Variants in MBNL1 observed in about 807,000 individuals in gnomAD.
The protein encoded by MBNL1 is muscleblind like splicing regulator 1.
MBNL1 carries 8 observed loss-of-function variants against 42.2 expected under a neutral mutation model. That is an observed-to-expected ratio of 0.19 (90% CI 0.11 to 0.34). MBNL1 has a LOEUF of 0.34. Among genes scored for constraint, MBNL1 ranks in the 10% least tolerant of loss-of-function variants. MBNL1 has a pLI of 1.00. For missense variants in MBNL1, 309 were observed against 495.3 expected (o/e 0.62, Z 3.57); for synonymous variants, 169 against 173.9 (o/e 0.97, Z 0.22).
chr3:152,314,817 G>C (rs2069607680), intron 2 of MBNL1, among the ~76,000 whole-genome samples: 1 of 152,098 alleles, frequency 6.6e-6, no homozygotes, highest in Non-Finnish European at 1.5e-5. Flanking sequence ...GATTTTTTTG[G>C]CTTTTCAGAA....
intron 6 of MBNL1, among the ~76,000 whole-genome samples, chr3:152,452,160 T>G (rs1724520304): frequency 6.6e-6 from 1 of 152,266 alleles, no homozygotes; most frequent in Non-Finnish European, 1.5e-5. Context: ...ATACTTGTTT[T>G]AACCTTCCCC....
At chr3:152,253,146 A>T (rs939296328) in intron 2 of MBNL1, among the ~76,000 whole-genome samples, 8 of 152,094 alleles carry the variant, frequency 5.3e-5, no homozygotes, top group African/African-American at 1.9e-4. Context: ...ATACACTCAG[A>T]TGTTAAGAGG....
At chr3:152,284,230 G>A (rs2050229833) in intron 1 of MBNL1, among the ~76,000 whole-genome samples, 1 of 151,694 alleles carries the variant, frequency 6.6e-6, no homozygotes, top group Admixed American at 6.6e-5. Flanking sequence ...AGGATAGTAG[G>A]GAACAAAGAA....
In MBNL1 at chr3:152,465,651, C is replaced by G. The variant is rs1341013428; in HGVS notation, c.*3285C>G. On this transcript the variant is annotated 3_prime_UTR_variant, in exon 10 of 10. Coordinates refer to ENST00000324210, the MANE Select transcript of MBNL1 (RefSeq NM_021038.5). ...ACAACTTACTTTCTGCTTGTAGTTG[C>G]TTAAAATTATGTATTTTGTCTTGGG... 1 of 152,534 alleles carries G rather than the reference C, an allele frequency of 6.6e-6. No individual in the cohort carries two copies. The highest frequency in any genetic ancestry group is 1.5e-5 in the Non-Finnish European group (1 of 68,028). The allele number at this position is 152,534 out of a possible 1,614,324, so 9.4% of individuals were successfully genotyped here.
chr3:152,441,688 C>G (rs1279500248), intron 4 of MBNL1, among the ~76,000 whole-genome samples: 2 of 152,220 alleles, frequency 1.3e-5, no homozygotes, highest in Non-Finnish European at 2.9e-5. Context: ...ATTGTCAAAT[C>G]TTGCCTTAGT....
At chr3:152,306,614 T>C (rs1464028187) in intron 2 of MBNL1, among the ~76,000 whole-genome samples, 1 of 152,188 alleles carries the variant, frequency 6.6e-6, no homozygotes, top group African/African-American at 2.4e-5. Context: ...TGTTTGTTTG[T>C]TTTGTTTTGT....
At chr3:152,414,305 G>T (rs1463652048) in intron 2 of MBNL1, among the ~76,000 whole-genome samples, 1 of 152,128 alleles carries the variant, frequency 6.6e-6, no homozygotes, top group East Asian at 1.9e-4. Context: ...ATTTATCTTT[G>T]AAAAGTTAAA....
At chr3:152,274,205 A>G (rs2043536242) in intron 1 of MBNL1, among the ~76,000 whole-genome samples, 1 of 140,488 alleles carries the variant, frequency 7.1e-6, no homozygotes, top group African/African-American at 2.7e-5. Flanking sequence ...TTAGAGAGCT[A>G]AGAAGATTCT....
intron 2 of MBNL1, chr3:152,301,933 A>C (rs1465679960): frequency 6.6e-6 from 1 of 152,198 alleles, no homozygotes. Context: ...TTGATGGTGC[A>C]CTCGTAGCTG....
chr3:152,439,455 T>C (rs1006111709), intron 4 of MBNL1, among the ~76,000 whole-genome samples: 1 of 152,192 alleles, frequency 6.6e-6, no homozygotes, highest in Non-Finnish European at 1.5e-5. Flanking sequence ...TTTTGCATTT[T>C]TGTAGAGGAT....
chr3:152,301,074 G>T (rs533004585), intron 2 of MBNL1: 127 of 216,138 alleles, frequency 5.9e-4, no homozygotes, highest in African/African-American at 2.7e-3. Flanking sequence ...TTTTCTGTTA[G>T]ATCATGATTT....
chr3:152,417,795 G>A (rs2098727590), intron 3 of MBNL1, among the ~76,000 whole-genome samples: 1 of 152,182 alleles, frequency 6.6e-6, no homozygotes, highest in African/African-American at 2.4e-5. Context: ...CCCAGTTACA[G>A]AGGCTGCAAC....
chr3:152,358,245 T>G (rs2095668092), intron 2 of MBNL1, among the ~76,000 whole-genome samples: 1 of 152,228 alleles, frequency 6.6e-6, no homozygotes, highest in South Asian at 2.1e-4. Flanking sequence ...ATATAAAAGT[T>G]TATTCACTTC....
intron 2 of MBNL1, among the ~76,000 whole-genome samples, 182 bp downstream of exon 2, chr3:152,300,549 G>A (rs2060301247): frequency 6.6e-6 from 1 of 152,108 alleles, no homozygotes; most frequent in South Asian, 2.1e-4. Flanking sequence ...GCCAAACTTT[G>A]TTATGAATAA....
Position 152,299,816 on chromosome 3 carries a change from C to T in MBNL1, c.-378C>T, listed in dbSNP as rs541792008. 9.9e-6 allele frequency: 4 copies of T among 402,072 alleles called. No individual in the cohort carries two copies. Among genetic ancestry groups the T allele is most frequent in the East Asian group, 3.6e-5 (1 of 28,158 alleles). 24.9% of individuals were successfully genotyped at this position (402,072 alleles called of 1,614,324 possible). A position where few individuals can be genotyped will look rare whatever the true frequency, so the allele number is the denominator to read the frequency against. ...CTTTGCTGAAAGCAGCTTGGAAATT[C>T]GGTGTCGAAGGGTCTGCCACGTTTT... On this transcript the variant is annotated 5_prime_UTR_variant, in exon 2 of 10. Transcript: ENST00000324210.
chr3:152,420,264 T>C (rs1182993940), intron 3 of MBNL1, among the ~76,000 whole-genome samples: 3 of 152,310 alleles, frequency 2.0e-5, no homozygotes, highest in African/African-American at 7.2e-5. Flanking sequence ...GCTTGAACTC[T>C]GCTAAGGGAC....
intron 2 of MBNL1, among the ~76,000 whole-genome samples, chr3:152,330,146 T>G (rs939622147): frequency 6.6e-6 from 1 of 152,146 alleles, no homozygotes; most frequent in Non-Finnish European, 1.5e-5. Context: ...CTCTGAGTGT[T>G]CTTAGGTATT....
intron 2 of MBNL1, among the ~76,000 whole-genome samples, chr3:152,259,517 C>T (rs1387967351): frequency 3.3e-5 from 5 of 152,098 alleles, no homozygotes; most frequent in African/African-American, 7.2e-5. Flanking sequence ...AATCCAAAAG[C>T]CGACATGCTG....
intron 1 of MBNL1, among the ~76,000 whole-genome samples, chr3:152,293,639 A>G (rs2057195372): frequency 6.6e-6 from 1 of 152,182 alleles, no homozygotes; most frequent in African/African-American, 2.4e-5. Context: ...ATAAACAAAA[A>G]TCATAATAAA....
Sources: allele counts gnomAD v4.1 joint callset (sites outside exome capture counted in the v4.1 genomes callset), GRCh38; gene constraint gnomAD v4.1.1; transcripts MANE v1.5; gene names NCBI Gene and HGNC (gene_info 2026-07-23, HGNC 2026-07-21).